Variants in ADD2 observed in about 807,000 individuals in gnomAD.
ADD2 encodes adducin 2.
A neutral mutation model predicts 83.0 loss-of-function variants in ADD2; 23 were observed. That is an observed-to-expected ratio of 0.28 (90% confidence interval 0.20 to 0.39). The LOEUF is 0.39. Ranked by LOEUF, ADD2 falls within the 10% of genes least tolerant of loss-of-function variation. The pLI, the probability that ADD2 is intolerant of heterozygous loss-of-function variation, is 1.00. For synonymous variants in ADD2, 375 were observed against 375.4 expected (o/e 1.00, Z 0.01); for missense variants, 758 against 944.9 (o/e 0.80, Z 2.59).
Position 70,674,790 on chromosome 2 carries a change from C to T in ADD2, c.1629G>A (p.Glu543=). 2 of 1,614,078 alleles carry T rather than the reference C, an allele frequency of 1.2e-6. No homozygotes were observed. The highest frequency in any genetic ancestry group is 1.7e-6 in the Non-Finnish European group (2 of 1,179,988). Residue 543 remains glutamate (E), a synonymous_variant, in exon 14 of 16, where the codon GAG becomes GAA. Coordinates refer to ENST00000264436, the MANE Select transcript of ADD2 (RefSeq NM_001617.4). ...TESQLMSKGD[E]DTKDDSEETV... is the part of the protein sequence containing the mutation. ...TCTCCTCTGAATCGTCTTTGGTATC[C>T]TCGTCTCCCTTGGACATCAGCTGGC...
chr2:70,723,295 C>A (rs1672821786), intron 1 of ADD2, among the ~76,000 whole-genome samples: 1 of 152,190 alleles, frequency 6.6e-6, no homozygotes, highest in African/African-American at 2.4e-5. Flanking sequence ...AAAGCACAGG[C>A]TTTGCACAGG....
chr2:70,676,504 C>G lies in ADD2; in HGVS notation c.1593+292G>C. The G allele has an allele frequency of 2.2e-6, 3 of 1,364,286 alleles. 1 individual carries two copies. In the South Asian group the frequency reaches 6.0e-5, roughly 27 times the overall value. 84.5% of individuals were successfully genotyped at this position (1,364,286 alleles called of 1,614,324 possible). A position where few individuals can be genotyped will look rare whatever the true frequency, so the allele number is the denominator to read the frequency against. On this transcript the variant is annotated intron_variant, in intron 13 of 15. Transcript: ENST00000264436. The surrounding 1 kb of genome is among the most constrained non-coding windows in gnomAD (Gnocchi z 4.8). The stretch of plus-strand genomic sequence containing the variant: ...CACTTCACGGGGTAGTAAGGGAGGA[C>G]AGAGTGGAGTTCCATGGCAGGAGGT...
chr2:70,691,535 C>T (rs1302485014), intron 7 of ADD2: 1 of 152,148 alleles, frequency 6.6e-6, no homozygotes, highest in Non-Finnish European at 1.5e-5. Context: ...AAACACATTC[C>T]CCCACCACTT....
intron 1 of ADD2, among the ~76,000 whole-genome samples, chr2:70,735,326 C>T (rs1483093872): frequency 6.6e-6 from 1 of 152,150 alleles, no homozygotes; most frequent in African/African-American, 2.4e-5. Context: ...TCCTCAGCTA[C>T]TTGGACTAGA....
intron 2 of ADD2, among the ~76,000 whole-genome samples, chr2:70,709,865 C>T (rs1318075900): frequency 1.3e-5 from 2 of 152,212 alleles, no homozygotes; most frequent in Non-Finnish European, 2.9e-5. Flanking sequence ...TCACCTCTAT[C>T]ATGCTCACAC....
chr2:70,674,186 C>T (rs782280706), intron 14 of ADD2, among the ~76,000 whole-genome samples: 8 of 152,016 alleles, frequency 5.3e-5, no homozygotes, highest in Non-Finnish European at 8.8e-5. Context: ...CAGGAAGAGA[C>T]AAAGGTAGGA....
Position 70,704,308 on chromosome 2 carries a change from A to G in ADD2, c.322+13T>C, listed in dbSNP as rs1281779877. 3 of 1,015,730 alleles carry G rather than the reference A, an allele frequency of 3.0e-6. No homozygotes were observed. Among genetic ancestry groups the G allele is most frequent in the Non-Finnish European group, 3.9e-6 (3 of 761,462 alleles). The allele number at this position is 1,015,730 out of a possible 1,614,324, so 62.9% of individuals were successfully genotyped here. A position where few individuals can be genotyped will look rare whatever the true frequency, so the allele number is the denominator to read the frequency against. On this transcript the variant is annotated intron_variant, in intron 4 of 15. Transcript: ENST00000264436. Reference sequence around the variant, plus strand: ...CCACCTCTGCTCCTGGCAGCTCCCCAGACACCACATACTCATGGAAGATGT... The same window carrying G: ...CCACCTCTGCTCCTGGCAGCTCCCCGGACACCACATACTCATGGAAGATGT...
Position 70,706,811 on chromosome 2 carries a change from T to C in ADD2, c.-34-369A>G, listed in dbSNP as rs1355855781. Reference sequence around the variant, plus strand: ...ACCTATGCAGTGGTAAGCTACTTACTGGAAATCAGTACTTCATCTAAAATG... The same window carrying C: ...ACCTATGCAGTGGTAAGCTACTTACCGGAAATCAGTACTTCATCTAAAATG... On this transcript the variant is annotated intron_variant, in intron 2 of 15. Coordinates refer to ENST00000264436, the MANE Select transcript of ADD2 (RefSeq NM_001617.4). This position sits in a 1 kb window ranked among gnomAD's most constrained non-coding sequence, Gnocchi z 5.0. 1.3e-5 allele frequency among the ~76,000 whole-genome samples: 2 copies of C among 152,290 alleles called. No homozygotes were observed. The highest frequency in any genetic ancestry group is 2.1e-4 in the South Asian group (1 of 4,814).
intron 1 of ADD2, among the ~76,000 whole-genome samples, chr2:70,754,954 G>T (rs527404760): frequency 1.3e-5 from 2 of 152,046 alleles, no homozygotes; most frequent in East Asian, 3.9e-4. Flanking sequence ...TATCCAACTG[G>T]ATAACCATTC....
chr2:70,726,607 TC>T (rs1673015043), intron 1 of ADD2, among the ~76,000 whole-genome samples: 1 of 152,208 alleles, frequency 6.6e-6, no homozygotes, highest in Non-Finnish European at 1.5e-5. Flanking sequence ...AATCCCAGGT[TC>T]CTAACTTCAA....
In ADD2 at chr2:70,736,614, G is replaced by C. The variant is rs72903808; in HGVS notation, c.-153-23430C>G. Among the ~76,000 whole-genome samples the C allele has an allele frequency of 7.6e-3, 1,153 of 152,294 alleles. 19 individuals are homozygous for C. The highest frequency in any genetic ancestry group is 0.026 in the African/African-American group (1,080 of 41,552). Reference sequence around the variant, plus strand: ...CACAGGACACAGTGCTTTGTACTGAGATAAGTTATTTAGCTTACTACATAA... The same window carrying C: ...CACAGGACACAGTGCTTTGTACTGACATAAGTTATTTAGCTTACTACATAA... On this transcript the variant is annotated intron_variant, in intron 1 of 15. Coordinates refer to ENST00000264436, the MANE Select transcript of ADD2 (RefSeq NM_001617.4).
chr2:70,693,277 C>T (rs1158568685), intron 6 of ADD2, among the ~76,000 whole-genome samples: 1 of 152,190 alleles, frequency 6.6e-6, no homozygotes, highest in African/African-American at 2.4e-5. Context: ...AACACCTCCC[C>T]GATTTCCCGG....
intron 6 of ADD2, among the ~76,000 whole-genome samples, chr2:70,694,169 C>A (rs1671193371): frequency 6.6e-6 from 1 of 152,212 alleles, no homozygotes; most frequent in African/African-American, 2.4e-5. Flanking sequence ...CTCTAGCCTG[C>A]ATCTCTTCTG....
At chr2:70,720,178 T>C (rs1199890461) in intron 1 of ADD2, among the ~76,000 whole-genome samples, 2 of 152,174 alleles carry the variant, frequency 1.3e-5, no homozygotes, top group Non-Finnish European at 2.9e-5. Context: ...AGGGTAATCC[T>C]GCACTATCCC....
chr2:70,666,131 C>G (rs868980083), intron 15 of ADD2, among the ~76,000 whole-genome samples: 4 of 152,258 alleles, frequency 2.6e-5, no homozygotes, highest in Middle Eastern at 3.4e-3. Context: ...GTTTTTTATG[C>G]CTATCTCCTC....
intron 4 of ADD2, among the ~76,000 whole-genome samples, chr2:70,702,771 A>G (rs897796366): frequency 6.6e-6 from 1 of 152,168 alleles, no homozygotes; most frequent in African/African-American, 2.4e-5. Flanking sequence ...GTAAAAATCT[A>G]TAAGAAAATA....
intron 1 of ADD2, among the ~76,000 whole-genome samples, chr2:70,756,039 A>C (rs2104544858): frequency 6.6e-6 from 1 of 151,180 alleles, no homozygotes; most frequent in South Asian, 2.1e-4. Flanking sequence ...AGCCTGGGCA[A>C]CAAAAGTGAA....
At chr2:70,762,963 C>T (rs984225246) in intron 1 of ADD2, among the ~76,000 whole-genome samples, 1 of 151,904 alleles carries the variant, frequency 6.6e-6, no homozygotes, top group Admixed American at 6.6e-5. Flanking sequence ...GCCTCGGCCT[C>T]CCAAAGTGCT....
At chr2:70,722,769 C>T (rs950553608) in intron 1 of ADD2, among the ~76,000 whole-genome samples, 3 of 152,138 alleles carry the variant, frequency 2.0e-5, no homozygotes, top group African/African-American at 7.2e-5. Flanking sequence ...TAAGGCAAGA[C>T]CAGACTAAGA....
Sources: gnomAD v4.1 joint callset for allele counts (sites outside exome capture counted in the v4.1 genomes callset) on GRCh38, gnomAD v4.1.1 for gene constraint, Gnocchi (gnomAD v3.1) non-coding constraint, MANE v1.5 for transcripts, NCBI Gene and HGNC (gene_info 2026-07-23, HGNC 2026-07-21) for gene names.